The following CDKAL1 variants were observed in gnomAD, a reference collection of about 807,000 sequenced individuals.
CDKAL1 encodes CDKAL1 threonylcarbamoyladenosine tRNA methylthiotransferase.
Under a neutral mutation model 68.2 loss-of-function variants are expected in CDKAL1, and 32 were observed. The observed-to-expected ratio is 0.47, with a 90% CI of 0.35 to 0.63. CDKAL1 has a LOEUF of 0.63. CDKAL1 is among the 30% of genes least tolerant of loss of function. CDKAL1 has a pLI of 0.00. For missense variants in CDKAL1, 606 were observed against 696.7 expected (o/e 0.87, Z 1.47); for synonymous variants, 234 against 244.3 (o/e 0.96, Z 0.39).
intron 12 of CDKAL1, among the ~76,000 whole-genome samples, chr6:21,086,575 G>A (rs1772706306): frequency 6.6e-6 from 1 of 152,144 alleles, no homozygotes; most frequent in Non-Finnish European, 1.5e-5. Context: ...TGTTAAAAGG[G>A]GCATCTGTAG....
chr6:20,920,206 C>T (rs1000241701), intron 9 of CDKAL1, among the ~76,000 whole-genome samples: 5 of 152,132 alleles, frequency 3.3e-5, no homozygotes, highest in Non-Finnish European at 5.9e-5. Context: ...CTCTTTTGGT[C>T]TGACTGTGTT....
intron 10 of CDKAL1, among the ~76,000 whole-genome samples, chr6:20,962,808 A>G (rs1765116866): frequency 6.6e-6 from 1 of 152,212 alleles, no homozygotes; most frequent in African/African-American, 2.4e-5. Context: ...GGAAATGGAA[A>G]GGAAAAATCT....
At chr6:20,646,797 A>T (rs951858364) in intron 4 of CDKAL1, among the ~76,000 whole-genome samples, 2 of 152,096 alleles carry the variant, frequency 1.3e-5, no homozygotes, top group Non-Finnish European at 2.9e-5. Flanking sequence ...AGGCTGGAGT[A>T]TGGTGGCACG....
At chr6:20,744,913 A>G (rs981324095) in intron 6 of CDKAL1, among the ~76,000 whole-genome samples, 1 of 152,234 alleles carries the variant, frequency 6.6e-6, no homozygotes, top group African/African-American at 2.4e-5. Context: ...GTAACTAATT[A>G]TAGCTCTAGA....
intron 3 of CDKAL1, 46 bp downstream of exon 3, chr6:20,546,569 T>A: frequency 6.5e-7 from 1 of 1,544,056 alleles, no homozygotes; most frequent in Non-Finnish European, 8.9e-7. Context: ...TTTTTTTTCT[T>A]TTGAGACAGA....
chr6:21,031,062 C>T (rs1769256950), intron 11 of CDKAL1, among the ~76,000 whole-genome samples: 1 of 152,080 alleles, frequency 6.6e-6, no homozygotes, highest in South Asian at 2.1e-4. Flanking sequence ...TCAAACTTCT[C>T]AGAGTCTCAC....
chr6:21,146,655 C>A (rs900755200), intron 13 of CDKAL1, among the ~76,000 whole-genome samples: 1 of 151,926 alleles, frequency 6.6e-6, no homozygotes, highest in African/African-American at 2.4e-5. Context: ...TCGAGAGCAT[C>A]CTGGCTAACA....
intron 15 of CDKAL1, among the ~76,000 whole-genome samples, chr6:21,218,634 G>A (rs972673349): frequency 6.6e-5 from 10 of 152,146 alleles, no homozygotes; most frequent in Non-Finnish European, 1.0e-4. Context: ...CTGGCTATTG[G>A]TCAGAGGCCT....
rs141430015 is a variant in CDKAL1, at chr6:20,825,508, G to A, written c.639-20567G>A. Among the ~76,000 whole-genome samples, 14 of 152,184 alleles carry A rather than the reference G, an allele frequency of 9.2e-5. No homozygotes were observed. In the East Asian group the frequency reaches 2.5e-3, roughly 27 times the overall value. On this transcript the variant is annotated intron_variant, in intron 8 of 15. Transcript: ENST00000274695. ...GATAAGATATAGACAGAAATAGAAG[G>A]TAAGTGTTTAGAAACTTTTGTAGGG...
At chr6:20,894,125 C>A (rs892770737) in intron 9 of CDKAL1, among the ~76,000 whole-genome samples, 3 of 152,124 alleles carry the variant, frequency 2.0e-5, no homozygotes, top group African/African-American at 7.2e-5. Flanking sequence ...TTATTGACTG[C>A]ACACTAAGTA....
At chr6:21,200,971 G>A (rs113786000) in intron 14 of CDKAL1, 139 bp from the exon 15 acceptor site, 17 of 657,512 alleles carry the variant, frequency 2.6e-5, no homozygotes, top group African/African-American at 9.0e-5. Context: ...AATGTAAGAC[G>A]GTAAATAATA....
chr6:20,551,049 T>G (rs934585412), intron 4 of CDKAL1, among the ~76,000 whole-genome samples: 3 of 151,798 alleles, frequency 2.0e-5, no homozygotes, highest in African/African-American at 7.3e-5. Flanking sequence ...ATATTTTTAG[T>G]AGAGACAGAG....
intron 10 of CDKAL1, among the ~76,000 whole-genome samples, chr6:20,996,633 A>G (rs571443135): frequency 6.6e-6 from 1 of 152,368 alleles, no homozygotes; most frequent in South Asian, 2.1e-4. Context: ...AGTAACATCA[A>G]AGATCACTGA....
At position 20,642,476 on chromosome 6, in the gene CDKAL1, A is replaced by AG. The variant is rs776138628; in HGVS notation, c.287-6816dup. On this transcript the variant is annotated intron_variant, in intron 4 of 15. Transcript: ENST00000274695. ...AGGTACAGATGAAAAGATGAAAAACAGAAAAAAAAAAAAAAAACACTGCGA... is the reference window on the plus strand; with the variant it reads ...AGGTACAGATGAAAAGATGAAAAACAGGAAAAAAAAAAAAAAAACACTGCGA... Among the ~76,000 whole-genome samples the AG allele has an allele frequency of 8.9e-3, 855 of 95,814 alleles. 10 individuals are homozygous for AG. The highest frequency in any genetic ancestry group is 0.041 in the African/African-American group (802 of 19,702). 62.9% of individuals were successfully genotyped at this position (95,814 alleles called of 152,430 possible).
chr6:20,917,063 C>T (rs189324801), intron 9 of CDKAL1, among the ~76,000 whole-genome samples: 7 of 152,288 alleles, frequency 4.6e-5, no homozygotes, highest in Non-Finnish European at 8.8e-5. Flanking sequence ...TCACTGCAAC[C>T]TTCACCTCCC....
At chr6:20,848,594 A>C (rs1758820403) in intron 9 of CDKAL1, among the ~76,000 whole-genome samples, 1 of 152,208 alleles carries the variant, frequency 6.6e-6, no homozygotes, top group African/African-American at 2.4e-5. Flanking sequence ...TAGAGAACGT[A>C]TTAGAAGATT....
In CDKAL1 at chr6:21,058,813, G is replaced by A. The variant is rs553863183; in HGVS notation, c.1056-6235G>A. Among the ~76,000 whole-genome samples the A allele has an allele frequency of 2.3e-4, 35 of 152,290 alleles. No individual in the cohort carries two copies. In the East Asian group the frequency reaches 4.4e-3, roughly 19 times the overall value. ...TGGACCTCTTTTCCAGAGTGACAGCGACCTAATGCCAGGGGGCATGCTCCT... is the reference window on the plus strand; with the variant it reads ...TGGACCTCTTTTCCAGAGTGACAGCAACCTAATGCCAGGGGGCATGCTCCT... On this transcript the variant is annotated intron_variant, in intron 11 of 15. Coordinates refer to ENST00000274695, the MANE Select transcript of CDKAL1 (RefSeq NM_017774.3).
intron 11 of CDKAL1, among the ~76,000 whole-genome samples, chr6:21,028,278 C>A (rs1440303426): frequency 2.0e-5 from 3 of 152,176 alleles, no homozygotes; most frequent in Non-Finnish European, 4.4e-5. Context: ...CAAGCAGTAT[C>A]TTAGAACCAT....
intron 4 of CDKAL1, among the ~76,000 whole-genome samples, chr6:20,573,261 A>C (rs2127680780): frequency 6.6e-6 from 1 of 152,208 alleles, no homozygotes. Context: ...TTTGTTATTT[A>C]TGTATTAAGA....
Sources: allele counts gnomAD v4.1 joint callset (sites outside exome capture counted in the v4.1 genomes callset), GRCh38; gene constraint gnomAD v4.1.1; transcripts MANE v1.5; gene names NCBI Gene and HGNC (gene_info 2026-07-23, HGNC 2026-07-21).